Variants in ZFPM2 observed in about 807,000 individuals in gnomAD.
The protein encoded by ZFPM2 is zinc finger protein, FOG family member 2, also known as zinc finger protein ZFPM2.
Under a neutral mutation model 98.6 loss-of-function variants are expected in ZFPM2, and 20 were observed. The observed-to-expected ratio is 0.20, with a 90% CI of 0.14 to 0.29. The LOEUF is 0.29. ZFPM2 is among the 10% of genes least tolerant of loss of function. The pLI is 1.00. For missense variants in ZFPM2, 1,310 were observed against 1,388.6 expected, an observed-to-expected ratio of 0.94 and a Z score of 0.90; for synonymous variants, 518 against 502.7, an observed-to-expected ratio of 1.03 and a Z score of -0.41.
chr8:105,668,239 A>G (rs1489874606), intron 5 of ZFPM2, among the ~76,000 whole-genome samples: 3 of 152,184 alleles, frequency 2.0e-5, no homozygotes, highest in Non-Finnish European at 2.9e-5. Flanking sequence ...ACAAACCTTT[A>G]CATGCTGTTC....
intron 3 of ZFPM2, among the ~76,000 whole-genome samples, chr8:105,531,111 T>A (rs1814288483): frequency 6.6e-6 from 1 of 152,130 alleles, no homozygotes; most frequent in African/African-American, 2.4e-5. Flanking sequence ...GTTCCAATGA[T>A]ATGGGTTACC....
At chr8:105,686,762 A>G (rs141394480) in intron 5 of ZFPM2, among the ~76,000 whole-genome samples, 494 of 152,346 alleles carry the variant, frequency 3.2e-3, no homozygotes, top group Non-Finnish European at 5.2e-3. Context: ...AAAAAATCAT[A>G]TAGGTGGTCA....
chr8:105,715,762 T>C (rs1811509384), intron 5 of ZFPM2, among the ~76,000 whole-genome samples: 1 of 152,014 alleles, frequency 6.6e-6, no homozygotes, highest in Non-Finnish European at 1.5e-5. Flanking sequence ...ATTTTATAAA[T>C]AGTGGTTCTC....
rs1428456103 is a variant in ZFPM2 at position 105,691,341 on chromosome 8, C to T, written c.532+56984C>T. Among the ~76,000 whole-genome samples the T allele has an allele frequency of 7.8e-5, 10 of 127,672 alleles. 1 individual carries two copies. The highest frequency in any genetic ancestry group is 6.3e-4 in the East Asian group (3 of 4,770). The allele number at this position is 127,672 out of a possible 152,430, so 83.8% of individuals were successfully genotyped here. ...TCGGCTCACTGCAAGCTCCGCTTCC[C>T]GGGTTCACGCCATTCTCCTGCCTCA... On this transcript the variant is annotated intron_variant, in intron 5 of 7. Coordinates refer to ENST00000407775, the MANE Select transcript of ZFPM2 (RefSeq NM_012082.4).
intron 3 of ZFPM2, among the ~76,000 whole-genome samples, chr8:105,472,125 G>T (rs1162538017): frequency 6.6e-6 from 1 of 152,128 alleles, no homozygotes; most frequent in Non-Finnish European, 1.5e-5. Flanking sequence ...ACTTTAGTTG[G>T]CAAAGCTTAT....
chr8:105,752,837 C>A (rs773714259), intron 5 of ZFPM2, among the ~76,000 whole-genome samples: 21 of 151,940 alleles, frequency 1.4e-4, no homozygotes, highest in Non-Finnish European at 2.6e-4. Flanking sequence ...ATAGGGAAAT[C>A]TAAAGTATAA....
chr8:105,321,308 T>G (rs1812020620), intron 1 of ZFPM2, among the ~76,000 whole-genome samples: 1 of 152,216 alleles, frequency 6.6e-6, no homozygotes, highest in African/African-American at 2.4e-5. Flanking sequence ...GTTTTAGTAG[T>G]GCGTAAGAAG....
chr8:105,404,336 T>A (rs1282216242), intron 1 of ZFPM2, among the ~76,000 whole-genome samples: 1 of 152,100 alleles, frequency 6.6e-6, no homozygotes. Context: ...TTTAGAATTT[T>A]TTTCATTGGA....
chr8:105,483,753 CTTTTT>C (rs551275094), intron 3 of ZFPM2, among the ~76,000 whole-genome samples: 1 of 141,776 alleles, frequency 7.1e-6, no homozygotes, highest in Admixed American at 7.1e-5. Flanking sequence ...TTTTTCTTTT[CTTTTT>C]TTTTTTTTGA....
chr8:105,569,116 G>A (rs1815302591), intron 4 of ZFPM2, among the ~76,000 whole-genome samples: 1 of 151,984 alleles, frequency 6.6e-6, no homozygotes, highest in South Asian at 2.1e-4. Flanking sequence ...GTATTTCCCT[G>A]GTGCTCTAGG....
chr8:105,580,819 C>CTATATA (rs201942806), intron 4 of ZFPM2, among the ~76,000 whole-genome samples: 97 of 115,014 alleles, frequency 8.4e-4, no homozygotes, highest in Admixed American at 3.2e-3. Context: ...CTCTCTCTCT[C>CTATATA]TCTCTCTCTA....
intron 5 of ZFPM2, among the ~76,000 whole-genome samples, chr8:105,696,728 C>A (rs956777187): frequency 6.6e-5 from 10 of 152,046 alleles, no homozygotes; most frequent in African/African-American, 2.4e-4. Context: ...AATTATATTT[C>A]TTTAAATTTT....
intron 3 of ZFPM2, among the ~76,000 whole-genome samples, chr8:105,535,558 G>A (rs1814433254): frequency 2.0e-5 from 3 of 152,202 alleles, no homozygotes; most frequent in South Asian, 4.2e-4. Flanking sequence ...CTACAGTTTC[G>A]ATTCTCTGGA....
At chr8:105,541,601 C>A (rs1164862563) in intron 3 of ZFPM2, among the ~76,000 whole-genome samples, 1 of 152,132 alleles carries the variant, frequency 6.6e-6, no homozygotes, top group Non-Finnish European at 1.5e-5. Context: ...AGATTTAATT[C>A]ACTTGTAGGT....
intron 4 of ZFPM2, among the ~76,000 whole-genome samples, chr8:105,610,626 C>T (rs1271936909): frequency 6.6e-6 from 1 of 151,772 alleles, no homozygotes; most frequent in Non-Finnish European, 1.5e-5. Flanking sequence ...ATATTGGGGG[C>T]TCTGTGGCCT....
chr8:105,527,445 A>T (rs867609900), intron 3 of ZFPM2, among the ~76,000 whole-genome samples: 1 of 152,218 alleles, frequency 6.6e-6, no homozygotes, highest in Non-Finnish European at 1.5e-5. Context: ...ATTTAGAAAC[A>T]TGTCTGTATG....
intron 5 of ZFPM2, among the ~76,000 whole-genome samples, chr8:105,755,602 A>G (rs941112177): frequency 2.5e-4 from 38 of 152,270 alleles, no homozygotes; most frequent in African/African-American, 7.7e-4. Flanking sequence ...AACAATTTCA[A>G]TTAGCTCTAA....
chr8:105,607,775 A>G (rs1816224919), intron 4 of ZFPM2, among the ~76,000 whole-genome samples: 1 of 152,044 alleles, frequency 6.6e-6, no homozygotes, highest in African/African-American at 2.4e-5. Flanking sequence ...TAGATCCCAA[A>G]CTCTAAATTA....
At chr8:105,742,767 C>T (rs1812249707) in intron 5 of ZFPM2, among the ~76,000 whole-genome samples, 1 of 152,058 alleles carries the variant, frequency 6.6e-6, no homozygotes, top group African/African-American at 2.4e-5. Context: ...TGGCAGGTTG[C>T]CTGTGATCCC....
Sources: gnomAD v4.1 joint callset for allele counts (sites outside exome capture counted in the v4.1 genomes callset) on GRCh38, gnomAD v4.1.1 for gene constraint, MANE v1.5 for transcripts, NCBI Gene and HGNC (gene_info 2026-07-23, HGNC 2026-07-21) for gene names.